MAP2K5: variants seen among roughly 807,000 people sequenced by gnomAD.
The protein encoded by MAP2K5 is mitogen-activated protein kinase kinase 5.
A neutral mutation model predicts 83.1 loss-of-function variants in MAP2K5; 49 were observed. That is an observed-to-expected ratio of 0.59 (90% CI 0.47 to 0.75). The LOEUF (loss-of-function observed/expected upper bound fraction) is 0.75. Among genes scored for constraint, MAP2K5 ranks in the 30% least tolerant of loss-of-function variants. MAP2K5 has a pLI of 0.00. For missense variants in MAP2K5, 457 were observed against 557.5 expected (o/e 0.82, Z 1.82); for synonymous variants, 202 against 191.8 (o/e 1.05, Z -0.44).
In MAP2K5 at chr15:67,675,521, A is replaced by G. The variant is rs149535782; in HGVS notation, c.847+10876A>G. ...GATGGAAATGTTCTCCATCTTGACT[A>G]TCAGTGTCAATACCCTGGTTGTGAT... On this transcript the variant is annotated intron_variant, in intron 13 of 21. Coordinates refer to ENST00000178640, the MANE Select transcript of MAP2K5 (RefSeq NM_145160.3). Among the ~76,000 whole-genome samples the G allele has an allele frequency of 7.2e-3, 1,096 of 152,304 alleles. 10 individuals are homozygous for G. The highest frequency in any genetic ancestry group is 0.012 in the Non-Finnish European group (788 of 68,034).
In MAP2K5 at chr15:67,750,045, T is replaced by C. The variant is rs2089685740; in HGVS notation, c.1134+1444T>C. Among the ~76,000 whole-genome samples, 1 of 152,234 alleles carries C rather than the reference T, an allele frequency of 6.6e-6. No homozygotes were observed. Among genetic ancestry groups the C allele is most frequent in the Admixed American group, 6.5e-5 (1 of 15,290 alleles). ...GAATGTTTTCTGCATCAAATAGATA[T>C]TTTCATTCCTTATTTAAAGTAACAG... On this transcript the variant is annotated intron_variant, in intron 19 of 21. Transcript: ENST00000178640. This position sits in a 1 kb window ranked among gnomAD's most constrained non-coding sequence, Gnocchi z 4.2.
intron 17 of MAP2K5, among the ~76,000 whole-genome samples, chr15:67,737,937 C>T (rs2089379996): frequency 6.9e-6 from 1 of 145,410 alleles, no homozygotes; most frequent in South Asian, 2.2e-4. Flanking sequence ...CTGCAACCTC[C>T]ACCTCCCAGG....
rs566065152 is a variant in MAP2K5, at chr15:67,590,752, C to G, written c.432-2174C>G. Among the ~76,000 whole-genome samples the G allele has an allele frequency of 5.9e-5, 9 of 152,154 alleles. No individual in the cohort carries two copies. In the East Asian group the frequency reaches 1.7e-3, roughly 29 times the overall value. ...TACAGGCTTGAGACGCTGTGCTTGG[C>G]CCCTTTTGTTTTCTGATGTATTTAT... On this transcript the variant is annotated intron_variant, in intron 6 of 21. Transcript: ENST00000178640.
At position 67,587,180 on chromosome 15, in the gene MAP2K5, G is replaced by C. The variant is rs2085308780; in HGVS notation, c.431+267G>C. 6.6e-6 allele frequency among the ~76,000 whole-genome samples: 1 copy of C among 152,266 alleles called. No individual in the cohort carries two copies. Among genetic ancestry groups the C allele is most frequent in the Non-Finnish European group, 1.5e-5 (1 of 68,010 alleles). On this transcript the variant is annotated intron_variant, in intron 6 of 21. Transcript: ENST00000178640. The surrounding 1 kb of genome is among the most constrained non-coding windows in gnomAD (Gnocchi z 4.8). ...AGGGAAGAGGGTAGGTGAAGGCCCTGAGGTGGAGAAGGAGCTCAGCATGTT... is the reference window on the plus strand; with the variant it reads ...AGGGAAGAGGGTAGGTGAAGGCCCTCAGGTGGAGAAGGAGCTCAGCATGTT...
chr15:67,664,941 C>G (rs186987469), intron 13 of MAP2K5, among the ~76,000 whole-genome samples: 3 of 152,300 alleles, frequency 2.0e-5, no homozygotes, highest in Admixed American at 1.3e-4. Flanking sequence ...ATTGTTAATG[C>G]AAAACCTTTG....
intron 16 of MAP2K5, among the ~76,000 whole-genome samples, chr15:67,715,111 C>G (rs1436211642): frequency 6.6e-6 from 1 of 152,076 alleles, no homozygotes; most frequent in African/African-American, 2.4e-5. Context: ...ATGGGTCCTC[C>G]CCTCCCACTG....
chr15:67,769,749 C>G lies in MAP2K5; in HGVS notation c.1196+86C>G. The G allele has an allele frequency of 7.4e-7, 1 of 1,347,272 alleles. No homozygotes were observed. Among genetic ancestry groups the G allele is most frequent in the Non-Finnish European group, 1.1e-6 (1 of 946,914 alleles). 83.5% of individuals were successfully genotyped at this position (1,347,272 alleles called of 1,614,324 possible). A position where few individuals can be genotyped will look rare whatever the true frequency, so the allele number is the denominator to read the frequency against. On this transcript the variant is annotated intron_variant, in intron 20 of 21. Coordinates refer to ENST00000178640, the MANE Select transcript of MAP2K5 (RefSeq NM_145160.3). The surrounding 1 kb of genome is among the most constrained non-coding windows in gnomAD (Gnocchi z 5.2). ...CAGCTCCGTGAGACCTTATGGCTCT[C>G]CCTGCATCCTTTTGGAGACAGGAGG...
chr15:67,804,403 G>C (rs913721307), intron 21 of MAP2K5, among the ~76,000 whole-genome samples: 1 of 152,304 alleles, frequency 6.6e-6, no homozygotes, highest in Admixed American at 6.5e-5. Flanking sequence ...GTAAAGTATC[G>C]GGGATACAAC....
At chr15:67,564,295 G>A (rs117345535) in intron 3 of MAP2K5, among the ~76,000 whole-genome samples, 69 of 152,264 alleles carry the variant, frequency 4.5e-4, no homozygotes, top group Non-Finnish European at 9.3e-4. Context: ...AGATGTGAAA[G>A]CCCTTTGAAA....
chr15:67,785,175 C>T lies in MAP2K5; in HGVS notation c.1242+12423C>T, dbSNP rs1010106211. ...GCCCAGGCTGGTCTCAAACTCCTGA[C>T]CTCAAGTGATCCGCCTGCCTGGGCC... On this transcript the variant is annotated intron_variant, in intron 21 of 21. Coordinates refer to ENST00000178640, the MANE Select transcript of MAP2K5 (RefSeq NM_145160.3). This position sits in a 1 kb window ranked among gnomAD's most constrained non-coding sequence, Gnocchi z 4.4. Among the ~76,000 whole-genome samples, 5 of 152,166 alleles carry T rather than the reference C, an allele frequency of 3.3e-5. No individual in the cohort carries two copies. The highest frequency in any genetic ancestry group is 1.2e-4 in the African/African-American group (5 of 41,428).
In MAP2K5 at chr15:67,748,521, A is replaced by G. The variant is rs752357445; in HGVS notation, c.1102-48A>G. The G allele has an allele frequency of 1.3e-4, 207 of 1,559,082 alleles. No homozygotes were observed. The highest frequency in any genetic ancestry group is 1.2e-4 in the Admixed American group (7 of 59,012). On this transcript the variant is annotated intron_variant, in intron 18 of 21. Transcript: ENST00000178640. The surrounding 1 kb of genome is among the most constrained non-coding windows in gnomAD (Gnocchi z 4.0). ...TTTTTCTTTCCACTCCACTGTAAAG[A>G]TATTGCATAGAGGCTAATACTTTTT...
intron 11 of MAP2K5, among the ~76,000 whole-genome samples, chr15:67,646,770 A>G (rs927703843): frequency 2.0e-5 from 3 of 152,176 alleles, no homozygotes; most frequent in Non-Finnish European, 4.4e-5. Context: ...TTTACTTGCA[A>G]AACAGATGTT....
rs1292015277 is a variant in MAP2K5 at position 67,563,012 on chromosome 15, C to T, written c.185-271C>T. Among the ~76,000 whole-genome samples the T allele has an allele frequency of 6.6e-6, 1 of 152,220 alleles. No individual in the cohort carries two copies. The highest frequency in any genetic ancestry group is 1.9e-4 in the East Asian group (1 of 5,186). ...CGCTAACCAAACCTGTTTTGTCATA[C>T]TCCAGTTATATTTACTTTAACCTAG... is the stretch of plus-strand genomic sequence containing the variant. On this transcript the variant is annotated intron_variant, in intron 2 of 21. Coordinates refer to ENST00000178640, the MANE Select transcript of MAP2K5 (RefSeq NM_145160.3). The surrounding 1 kb of genome is among the most constrained non-coding windows in gnomAD (Gnocchi z 4.5).
In MAP2K5 at chr15:67,585,939, T is replaced by G; in HGVS notation, c.363+9T>G. 1.9e-6 allele frequency: 3 copies of G among 1,612,508 alleles called. No individual in the cohort carries two copies. The South Asian group carries it at 3.3e-5, about 18-fold the overall frequency. The stretch of plus-strand genomic sequence containing the variant: ...ACATACATGGCCTGAAGGTACGAAT[T>G]TCAATAATTGTTTCAGTAAAGTTAG... On this transcript the variant is annotated intron_variant, in intron 5 of 21. Coordinates refer to ENST00000178640, the MANE Select transcript of MAP2K5 (RefSeq NM_145160.3).
At position 67,782,934 on chromosome 15, in the gene MAP2K5, G is replaced by T. The variant is rs901738388; in HGVS notation, c.1242+10182G>T. ...CCCCCTTTTCAGCTCTCCTGTGCAG[G>T]CAGCAGTGCTGCATCATCTGGAAAG... On this transcript the variant is annotated intron_variant, in intron 21 of 21. Transcript: ENST00000178640. This position sits in a 1 kb window ranked among gnomAD's most constrained non-coding sequence, Gnocchi z 4.9. 6.6e-6 allele frequency among the ~76,000 whole-genome samples: 1 copy of T among 152,246 alleles called. No individual in the cohort carries two copies. Among genetic ancestry groups the T allele is most frequent in the African/African-American group, 2.4e-5 (1 of 41,464 alleles).
rs546711252 is a variant in MAP2K5, at chr15:67,673,759, TC to T, written c.847+9115del. On this transcript the variant is annotated intron_variant, in intron 13 of 21. Coordinates refer to ENST00000178640, the MANE Select transcript of MAP2K5 (RefSeq NM_145160.3). ...GTAACAATCTGTTTTTTTGCAGAGA[TC>T]TACATAGTTTGTGATTAACTATATA... Among the ~76,000 whole-genome samples the T allele has an allele frequency of 2.8e-3, 433 of 152,344 alleles. 5 individuals carry two copies. Among genetic ancestry groups the T allele is most frequent in the African/African-American group, 0.01 (421 of 41,586 alleles).
chr15:67,629,195 A>G, intron 8 of MAP2K5: 1 of 657,680 alleles, frequency 1.5e-6, no homozygotes. Context: ...CGGGGAAGCT[A>G]CAGGTTACAA....
intron 8 of MAP2K5, among the ~76,000 whole-genome samples, chr15:67,612,480 A>G (rs1365876047): frequency 6.6e-6 from 1 of 152,126 alleles, no homozygotes; most frequent in African/African-American, 2.4e-5. Context: ...TAGCTCCTCA[A>G]CCTAGAGGCA....
intron 16 of MAP2K5, among the ~76,000 whole-genome samples, chr15:67,712,816 G>C (rs1191832871): frequency 6.6e-6 from 1 of 152,160 alleles, no homozygotes; most frequent in East Asian, 1.9e-4. Flanking sequence ...TACTCAGGAG[G>C]CTGAGGCAGG....
Sources: allele counts gnomAD v4.1 joint callset (sites outside exome capture counted in the v4.1 genomes callset), GRCh38; gene constraint gnomAD v4.1.1; non-coding constraint Gnocchi (gnomAD v3.1); transcripts MANE v1.5; gene names NCBI Gene and HGNC (gene_info 2026-07-23, HGNC 2026-07-21).